The following CREBL2 variants were observed in gnomAD, a reference collection of about 807,000 sequenced individuals.
The protein encoded by CREBL2 is cAMP-responsive element-binding protein-like 2.
Under a neutral mutation model 19.5 loss-of-function variants are expected in CREBL2, and 4 were observed. That is an observed-to-expected ratio of 0.20 (90% CI 0.10 to 0.47). The LOEUF is 0.47. CREBL2 is among the 20% of genes least tolerant of loss of function. The pLI is 0.98. For synonymous variants in CREBL2, 42 were observed against 46.6 expected (o/e 0.90, Z 0.40); for missense variants, 85 against 145.1 (o/e 0.59, Z 2.13).
intron 1 of CREBL2, chr12:12,632,586 T>A (rs1199406780): frequency 6.6e-6 from 1 of 152,152 alleles, no homozygotes; most frequent in Non-Finnish European, 1.5e-5. Flanking sequence ...AAGAGCAATA[T>A]ATGAGGTATT....
At position 12,642,102 on chromosome 12, in the gene CREBL2, C is replaced by A; in HGVS notation, c.*104C>A. 1 of 727,788 alleles carries A rather than the reference C, an allele frequency of 1.4e-6. No homozygotes were observed. Among genetic ancestry groups the A allele is most frequent in the South Asian group, 2.1e-5 (1 of 47,090 alleles). The allele number at this position is 727,788 out of a possible 1,614,324, so 45.1% of individuals were successfully genotyped here. A position where few individuals can be genotyped will look rare whatever the true frequency, so the allele number is the denominator to read the frequency against. The stretch of plus-strand genomic sequence containing the variant: ...TTGGCTCCATTTACTACCTACTGCT[C>A]AGTAGTCATCTCTGTAAATCTGCAA... On this transcript the variant is annotated 3_prime_UTR_variant, in exon 4 of 4. Transcript: ENST00000228865.
intron 1 of CREBL2, among the ~76,000 whole-genome samples, chr12:12,624,930 T>C (rs1396097773): frequency 6.6e-6 from 1 of 152,186 alleles, no homozygotes; most frequent in Non-Finnish European, 1.5e-5. Flanking sequence ...GAGGGGGAAC[T>C]GAAAAGGGGA....
chr12:12,642,061 G>A lies in CREBL2; in HGVS notation c.*63G>A. ...TTCTGATTCCCATGGAAGATGGATG[G>A]GCAAGAGTGTACTTCTTGGCTCCAT... On this transcript the variant is annotated 3_prime_UTR_variant, in exon 4 of 4. Transcript: ENST00000228865. 4 of 1,348,042 alleles carry A rather than the reference G, an allele frequency of 3.0e-6. No homozygotes were observed. Among genetic ancestry groups the A allele is most frequent in the South Asian group, 1.2e-5 (1 of 80,078 alleles). The allele number at this position is 1,348,042 out of a possible 1,614,324, so 83.5% of individuals were successfully genotyped here.
At chr12:12,637,505 C>T (rs1945483817) in intron 2 of CREBL2, 65 bp from the exon 3 acceptor site, 2 of 1,069,454 alleles carry the variant, frequency 1.9e-6, no homozygotes, top group East Asian at 3.6e-5. Context: ...TGAACTCTGA[C>T]AAGTAAAAGT....
At chr12:12,628,878 A>G (rs34946234) in intron 1 of CREBL2, among the ~76,000 whole-genome samples, 55,287 of 152,128 alleles carry the variant, frequency 0.36, 10,249 homozygotes, top group South Asian at 0.46. Flanking sequence ...TGAAGAGACT[A>G]TTCTTTCCCC....
chr12:12,630,075 A>G (rs1411360943), intron 1 of CREBL2, among the ~76,000 whole-genome samples: 1 of 151,890 alleles, frequency 6.6e-6, no homozygotes, highest in Admixed American at 6.6e-5. Context: ...TTTTCTTCTG[A>G]TATCTTTGGT....
chr12:12,612,152 C>T lies in CREBL2; in HGVS notation c.-21C>T, dbSNP rs964879181. 1 of 1,611,804 alleles carries T rather than the reference C, an allele frequency of 6.2e-7. No homozygotes were observed. Among genetic ancestry groups the T allele is most frequent in the South Asian group, 1.1e-5 (1 of 91,084 alleles). ...AGGGCTCCGGGAGGGAGTGCCTGGC[C>T]AGGCCGGCCTGTCTGCCGCGATGGA... On this transcript the variant is annotated 5_prime_UTR_variant, in exon 1 of 4. Coordinates refer to ENST00000228865, the MANE Select transcript of CREBL2 (RefSeq NM_001310.4).
rs1431539409 is a variant in CREBL2, at chr12:12,642,218, GT to G, written c.*222del. ...TCTACAAACATTCAGACCTGTCTGG[GT>G]TGGTATTGCCACCCATGACATTTAA... is the stretch of plus-strand genomic sequence containing the variant. On this transcript the variant is annotated 3_prime_UTR_variant, in exon 4 of 4. Transcript: ENST00000228865. 2.9e-5 allele frequency: 11 copies of G among 384,030 alleles called. No individual in the cohort carries two copies. Among genetic ancestry groups the G allele is most frequent in the Non-Finnish European group, 4.7e-5 (10 of 214,036 alleles). 23.8% of individuals were successfully genotyped at this position (384,030 alleles called of 1,614,324 possible).
At chr12:12,622,088 T>G (rs1945364151) in intron 1 of CREBL2, among the ~76,000 whole-genome samples, 1 of 152,236 alleles carries the variant, frequency 6.6e-6, no homozygotes, top group Admixed American at 6.5e-5. Context: ...AGATATTACT[T>G]TCTTCAGATA....
In CREBL2 at chr12:12,618,377, C is replaced by T. The variant is rs114749517; in HGVS notation, c.15+6190C>T. 2.2e-3 allele frequency among the ~76,000 whole-genome samples: 336 copies of T among 151,846 alleles called. 2 individuals are homozygous for T. Among genetic ancestry groups the T allele is most frequent in the African/African-American group, 7.7e-3 (320 of 41,348 alleles). ...GGGGTGGCGGTGGGGCAGAGACACT[C>T]CTCAGATCCCAGATGGGGTCATGGT... On this transcript the variant is annotated intron_variant, in intron 1 of 3. Coordinates refer to ENST00000228865, the MANE Select transcript of CREBL2 (RefSeq NM_001310.4).
intron 1 of CREBL2, among the ~76,000 whole-genome samples, chr12:12,616,868 TA>T (rs1945315552): frequency 6.6e-6 from 1 of 152,152 alleles, no homozygotes; most frequent in Admixed American, 6.5e-5. Context: ...TAAAGGATGA[TA>T]AACTGGCTGA....
Position 12,645,009 on chromosome 12 carries a change from G to T in CREBL2, c.*3011G>T, listed in dbSNP as rs188661682. The T allele has an allele frequency of 5.6e-4, 85 of 152,312 alleles. 1 individual carries two copies. The highest frequency in any genetic ancestry group is 2.0e-3 in the African/African-American group (83 of 41,566). 9.4% of individuals were successfully genotyped at this position (152,312 alleles called of 1,614,324 possible). On this transcript the variant is annotated 3_prime_UTR_variant, in exon 4 of 4. Transcript: ENST00000228865. ...GCCTGCTTTCTCATCTGTAAAAAAG[G>T]GGGGAGGATAACTTTCACAGGGTAA...
chr12:12,618,552 C>T (rs946948286), intron 1 of CREBL2, among the ~76,000 whole-genome samples: 8 of 151,598 alleles, frequency 5.3e-5, no homozygotes, highest in Non-Finnish European at 5.9e-5. Context: ...CCAGACTGGG[C>T]GGCCGGGCAG....
At chr12:12,638,342 C>T (rs1024893837) in intron 3 of CREBL2, among the ~76,000 whole-genome samples, 17 of 152,046 alleles carry the variant, frequency 1.1e-4, no homozygotes, top group African/African-American at 4.1e-4. Context: ...GAGTCTGAAG[C>T]ACAAGAATTG....
At chr12:12,619,181 C>T (rs1945341108) in intron 1 of CREBL2, among the ~76,000 whole-genome samples, 1 of 152,238 alleles carries the variant, frequency 6.6e-6, no homozygotes, top group East Asian at 1.9e-4. Flanking sequence ...AGACTATGCT[C>T]CAGATGGGAC....
chr12:12,623,151 G>GT (rs1265419912), intron 1 of CREBL2, among the ~76,000 whole-genome samples: 1 of 141,042 alleles, frequency 7.1e-6, no homozygotes, highest in Non-Finnish European at 1.5e-5. Context: ...GGTGATAGTA[G>GT]TATCAGTTTA....
At chr12:12,621,635 G>T (rs1418414121) in intron 1 of CREBL2, among the ~76,000 whole-genome samples, 1 of 151,936 alleles carries the variant, frequency 6.6e-6, no homozygotes, top group Non-Finnish European at 1.5e-5. Flanking sequence ...TGTGGTCAGA[G>T]ATGAGGATGA....
rs1248375488 is a variant in CREBL2 at position 12,641,250 on chromosome 12, A to ATTTTTTTTTTTTTTTTTTT, written c.359-742_359-741insTTTTTTTTTTTTTTTTTTT. Among the ~76,000 whole-genome samples the ATTTTTTTTTTTTTTTTTTT allele has an allele frequency of 2.8e-4, 16 of 57,998 alleles. 2 individuals are homozygous for ATTTTTTTTTTTTTTTTTTT. The highest frequency in any genetic ancestry group is 5.9e-4 in the Admixed American group (3 of 5,056). The allele number at this position is 57,998 out of a possible 152,430, so 38.0% of individuals were successfully genotyped here. On this transcript the variant is annotated intron_variant, in intron 3 of 3. Transcript: ENST00000228865. ...CTTTATTATTATTATTATTATTATT[A>ATTTTTTTTTTTTTTTTTTT]TTATTTTTTTTTATTTTTTTTTTTT...
Position 12,626,884 on chromosome 12 carries a change from AAAAG to A in CREBL2, c.16-8889_16-8886del, listed in dbSNP as rs879688299. Among the ~76,000 whole-genome samples the A allele has an allele frequency of 3.1e-3, 436 of 142,446 alleles. 5 individuals carry two copies. The highest frequency in any genetic ancestry group is 4.6e-3 in the Admixed American group (66 of 14,244). The allele number at this position is 142,446 out of a possible 152,430, so 93.5% of individuals were successfully genotyped here. Reference sequence around the variant, plus strand: ...GGCCCTGTTTCTTAAAAAAAAAAAGAAAAGAAAAGAAAGAAAGAAAAATAAATAA... The same window carrying A: ...GGCCCTGTTTCTTAAAAAAAAAAAGAAAAAGAAAGAAAGAAAAATAAATAA... On this transcript the variant is annotated intron_variant, in intron 1 of 3. Transcript: ENST00000228865.
Sources: gnomAD v4.1 joint callset for allele counts (sites outside exome capture counted in the v4.1 genomes callset) on GRCh38, gnomAD v4.1.1 for gene constraint, MANE v1.5 for transcripts, NCBI Gene and HGNC (gene_info 2026-07-23, HGNC 2026-07-21) for gene names.